The following TAOK3 variants were observed in gnomAD, a reference collection of about 807,000 sequenced individuals.
The protein encoded by TAOK3 is TAO kinase 3.
A neutral mutation model predicts 120.4 loss-of-function variants in TAOK3; 40 were observed. The observed-to-expected ratio is 0.33, with a 90% CI of 0.26 to 0.43. The LOEUF is 0.43. Among genes scored for constraint, TAOK3 ranks in the 20% least tolerant of loss-of-function variants. The probability of loss-of-function intolerance (pLI) is 1.00; values close to 1 mark genes in which losing one functional copy is unlikely to be tolerated. For synonymous variants in TAOK3, 355 were observed against 387.5 expected (o/e 0.92, Z 0.99); for missense variants, 821 against 1,112.1 (o/e 0.74, Z 3.72).
intron 1 of TAOK3, among the ~76,000 whole-genome samples, chr12:118,366,098 T>C (rs1022062738): frequency 3.3e-5 from 5 of 152,030 alleles, no homozygotes; most frequent in African/African-American, 4.8e-5. Context: ...ACCCCGTCTC[T>C]ACTAAAAATA....
intron 17 of TAOK3, among the ~76,000 whole-genome samples, chr12:118,162,483 G>A (rs985829378): frequency 5.3e-5 from 8 of 152,160 alleles, no homozygotes; most frequent in African/African-American, 1.9e-4. Flanking sequence ...TGTCTGGGGT[G>A]GGAGCCTGAT....
chr12:118,341,282 T>C (rs1241855423), intron 1 of TAOK3, among the ~76,000 whole-genome samples: 1 of 151,922 alleles, frequency 6.6e-6, no homozygotes. Flanking sequence ...ATTACAGGAG[T>C]GAGCCACAGC....
chr12:118,279,977 A>G (rs1420419777), intron 1 of TAOK3, among the ~76,000 whole-genome samples: 1 of 150,980 alleles, frequency 6.6e-6, no homozygotes, highest in Non-Finnish European at 1.5e-5. Flanking sequence ...ATGTTGGCCA[A>G]GCAGGTCTTG....
At chr12:118,264,036 A>T (rs1194829928) in intron 2 of TAOK3, among the ~76,000 whole-genome samples, 1 of 152,246 alleles carries the variant, frequency 6.6e-6, no homozygotes, top group Non-Finnish European at 1.5e-5. Flanking sequence ...ATTGCACTCC[A>T]GCCTGGGCAA....
chr12:118,269,735 T>A (rs1195679170), intron 1 of TAOK3, among the ~76,000 whole-genome samples: 1 of 152,212 alleles, frequency 6.6e-6, no homozygotes, highest in African/African-American at 2.4e-5. Context: ...AAGCTCTATA[T>A]ATGTTCTAAA....
chr12:118,288,915 CAAAAAAAAAA>C (rs34740967), intron 1 of TAOK3, among the ~76,000 whole-genome samples: 1 of 94,218 alleles, frequency 1.1e-5, no homozygotes, highest in Admixed American at 1.3e-4. Context: ...GACTCTATCT[CAAAAAAAAAA>C]AAAAAAAAAA....
intron 1 of TAOK3, among the ~76,000 whole-genome samples, chr12:118,299,733 C>G (rs757262390): frequency 6.6e-6 from 1 of 152,170 alleles, no homozygotes; most frequent in Non-Finnish European, 1.5e-5. Context: ...TGGTCTCGAA[C>G]TCCTAATCTC....
At chr12:118,202,968 C>T (rs911631480) in intron 11 of TAOK3, among the ~76,000 whole-genome samples, 3 of 151,514 alleles carry the variant, frequency 2.0e-5, no homozygotes, top group Admixed American at 6.6e-5. Context: ...TTAGTAGAGA[C>T]GAGGTTTCAC....
intron 1 of TAOK3, among the ~76,000 whole-genome samples, chr12:118,359,936 A>G (rs1271135953): frequency 6.6e-6 from 1 of 152,170 alleles, no homozygotes; most frequent in Non-Finnish European, 1.5e-5. Flanking sequence ...AATTTATTTC[A>G]ATACTTTCAT....
chr12:118,276,323 T>C (rs988959656), intron 1 of TAOK3, among the ~76,000 whole-genome samples: 1 of 152,132 alleles, frequency 6.6e-6, no homozygotes, highest in Non-Finnish European at 1.5e-5. Context: ...GCTGCTTTGA[T>C]TGGAATATGA....
At chr12:118,166,851 C>T (rs1484152168) in intron 17 of TAOK3, among the ~76,000 whole-genome samples, 1 of 149,902 alleles carries the variant, frequency 6.7e-6, no homozygotes, top group Non-Finnish European at 1.5e-5. Flanking sequence ...CACACATACA[C>T]ACACACACAC....
intron 1 of TAOK3, among the ~76,000 whole-genome samples, chr12:118,279,267 G>A (rs188827785): frequency 6.6e-6 from 1 of 152,212 alleles, no homozygotes; most frequent in African/African-American, 2.4e-5. Context: ...ACTTTTTAAT[G>A]GGATTGTTTT....
At chr12:118,365,700 A>C (rs2045724253) in intron 1 of TAOK3, among the ~76,000 whole-genome samples, 1 of 152,246 alleles carries the variant, frequency 6.6e-6, no homozygotes, top group Non-Finnish European at 1.5e-5. Flanking sequence ...TGTGCTTCGT[A>C]CTATACTTAC....
intron 11 of TAOK3, among the ~76,000 whole-genome samples, chr12:118,205,622 T>A (rs1413886971): frequency 6.6e-6 from 1 of 152,188 alleles, no homozygotes; most frequent in Non-Finnish European, 1.5e-5. Flanking sequence ...CCAACTTCTT[T>A]TTTTTTGAGA....
chr12:118,262,867 G>A (rs552883127), intron 2 of TAOK3, among the ~76,000 whole-genome samples: 84 of 150,452 alleles, frequency 5.6e-4, no homozygotes, highest in Non-Finnish European at 7.8e-4. Flanking sequence ...GGATCAATGC[G>A]ACAAAGGATA....
At chr12:118,203,428 T>C (rs1282016792) in intron 11 of TAOK3, among the ~76,000 whole-genome samples, 2 of 151,996 alleles carry the variant, frequency 1.3e-5, no homozygotes, top group Admixed American at 1.3e-4. Context: ...GAAGTAAGCC[T>C]GGCGCGGTGG....
At chr12:118,295,447 C>T (rs558451977) in intron 1 of TAOK3, 1 of 152,160 alleles carries the variant, frequency 6.6e-6, no homozygotes, top group African/African-American at 2.4e-5. Context: ...ATGTTTCTGA[C>T]CTTGGTCGGT....
intron 1 of TAOK3, among the ~76,000 whole-genome samples, chr12:118,312,675 G>A (rs1316526220): frequency 1.3e-5 from 2 of 152,168 alleles, no homozygotes; most frequent in Non-Finnish European, 1.5e-5. Context: ...CAAAGCTAAA[G>A]GAAATTAATT....
chr12:118,363,456 T>C (rs1487078937), intron 1 of TAOK3, among the ~76,000 whole-genome samples: 1 of 152,154 alleles, frequency 6.6e-6, no homozygotes, highest in African/African-American at 2.4e-5. Flanking sequence ...AGAATATGGA[T>C]ATCTAAGAAG....
Sources: gnomAD v4.1 joint callset for allele counts (sites outside exome capture counted in the v4.1 genomes callset) on GRCh38, gnomAD v4.1.1 for gene constraint, MANE v1.5 for transcripts, NCBI Gene and HGNC (gene_info 2026-07-23, HGNC 2026-07-21) for gene names.